ZBTB38: variants seen among roughly 807,000 people sequenced by gnomAD.
ZBTB38 encodes the protein zinc finger and BTB domain containing 38.
A neutral mutation model predicts 76.8 loss-of-function variants in ZBTB38; 20 were observed. The ratio of observed to expected loss-of-function variants is 0.26; its 90% confidence interval spans 0.18 to 0.38. The LOEUF is 0.38. Ranked by LOEUF, ZBTB38 falls within the 10% of genes least tolerant of loss-of-function variation. The pLI, the probability that ZBTB38 is intolerant of heterozygous loss-of-function variation, is 1.00. For synonymous variants in ZBTB38, 504 were observed against 544.2 expected, an observed-to-expected ratio of 0.93 and a Z score of 1.03; for missense variants, 1,082 against 1,482.3, an observed-to-expected ratio of 0.73 and a Z score of 4.43.
chr3:141,397,025 T>C (rs1310311700), intron 4 of ZBTB38, among the ~76,000 whole-genome samples: 2 of 152,250 alleles, frequency 1.3e-5, no homozygotes, highest in Non-Finnish European at 2.9e-5. Context: ...AATTGAAGTT[T>C]TGAAGCCAGG....
intron 4 of ZBTB38, among the ~76,000 whole-genome samples, chr3:141,393,413 G>T (rs1375631096): frequency 6.6e-6 from 1 of 152,176 alleles, no homozygotes; most frequent in Admixed American, 6.5e-5. Context: ...TGAGAGTGTG[G>T]TTAAATCCCA....
At chr3:141,380,614 G>A (rs972259986) in intron 2 of ZBTB38, among the ~76,000 whole-genome samples, 8 of 152,208 alleles carry the variant, frequency 5.3e-5, no homozygotes, top group Non-Finnish European at 1.0e-4. Flanking sequence ...ATGGTGTTAG[G>A]AAATGCTCTA....
chr3:141,436,648 C>T (rs1221779570), intron 5 of ZBTB38, among the ~76,000 whole-genome samples: 1 of 152,114 alleles, frequency 6.6e-6, no homozygotes, highest in Non-Finnish European at 1.5e-5. Context: ...CAGGCACTCA[C>T]CACCATGCCT....
intron 5 of ZBTB38, among the ~76,000 whole-genome samples, chr3:141,435,125 C>T (rs2078459994): frequency 6.6e-6 from 1 of 152,090 alleles, no homozygotes. Flanking sequence ...GACAGCACTC[C>T]AGCCTGGGTG....
intron 2 of ZBTB38, among the ~76,000 whole-genome samples, chr3:141,376,873 G>T (rs1226634476): frequency 2.6e-5 from 4 of 152,356 alleles, no homozygotes; most frequent in East Asian, 3.9e-4. Context: ...CAAGGGCAAA[G>T]ATTGTTCAGT....
At chr3:141,415,339 G>T (rs551005949) in intron 5 of ZBTB38, among the ~76,000 whole-genome samples, 1 of 152,154 alleles carries the variant, frequency 6.6e-6, no homozygotes, top group Non-Finnish European at 1.5e-5. Flanking sequence ...GACTCTAGGG[G>T]GGCCAGGGTG....
At chr3:141,340,949 G>GGAAGGAAAGAAAGAAAGAAAGAAA (rs747290360) in intron 1 of ZBTB38, among the ~76,000 whole-genome samples, 41 of 111,992 alleles carry the variant, frequency 3.7e-4, no homozygotes, top group African/African-American at 1.4e-3. Flanking sequence ...AAAGAAAGAA[G>GGAAGGAAAGAAAGAAAGAAAGAAA]GAAAGAAAGA....
chr3:141,420,843 T>C (rs926289388), intron 5 of ZBTB38, among the ~76,000 whole-genome samples: 5 of 152,014 alleles, frequency 3.3e-5, no homozygotes, highest in Admixed American at 2.0e-4. Flanking sequence ...TAAGATAGAA[T>C]TGATGTTCTA....
chr3:141,372,417 G>A (rs1388903007), intron 2 of ZBTB38, among the ~76,000 whole-genome samples: 1 of 152,116 alleles, frequency 6.6e-6, no homozygotes, highest in Non-Finnish European at 1.5e-5. Flanking sequence ...GGGAGGCCGA[G>A]GCAGGTGGAT....
chr3:141,335,681 T>G (rs1942996111), intron 1 of ZBTB38, among the ~76,000 whole-genome samples: 1 of 152,224 alleles, frequency 6.6e-6, no homozygotes, highest in South Asian at 2.1e-4. Context: ...CCAGCTAGCC[T>G]CAGATCACCT....
intron 5 of ZBTB38, among the ~76,000 whole-genome samples, chr3:141,434,812 T>G: frequency 6.6e-6 from 1 of 151,844 alleles, no homozygotes; most frequent in East Asian, 1.9e-4. Flanking sequence ...ACAAATGTCC[T>G]TATAAGTATA....
chr3:141,363,392 C>T (rs1943873056), intron 1 of ZBTB38, among the ~76,000 whole-genome samples: 1 of 152,200 alleles, frequency 6.6e-6, no homozygotes, highest in Non-Finnish European at 1.5e-5. Flanking sequence ...AATTGAGAAG[C>T]TGATCCTAAA....
chr3:141,336,295 C>T lies in ZBTB38; in HGVS notation c.-739+11839C>T, dbSNP rs1248702966. On this transcript the variant is annotated intron_variant, in intron 1 of 7. Transcript: ENST00000509842. The stretch of plus-strand genomic sequence containing the variant: ...ATACTCTAAATGGGAGATGTCAAAC[C>T]CATGCCAATAGCTCCATTAAAACCC... Among the ~76,000 whole-genome samples the T allele has an allele frequency of 4.0e-5, 6 of 151,834 alleles. No homozygotes were observed. The East Asian group carries it at 1.2e-3, about 29-fold the overall frequency.
Position 141,446,991 on chromosome 3 carries a change from C to T in ZBTB38, c.*1015C>T, listed in dbSNP as rs1201899623. 1 of 152,678 alleles carries T rather than the reference C, an allele frequency of 6.5e-6. No homozygotes were observed. The highest frequency in any genetic ancestry group is 1.5e-5 in the Non-Finnish European group (1 of 68,082). 9.5% of individuals were successfully genotyped at this position (152,678 alleles called of 1,614,324 possible). ...TCTATTCCAGACAGACTTAAGGGCT[C>T]AAGTGGAACCTGCCATCTCCCATTC... is the stretch of plus-strand genomic sequence containing the variant. On this transcript the variant is annotated 3_prime_UTR_variant, in exon 6 of 6. Coordinates refer to ENST00000321464, the MANE Select transcript of ZBTB38 (RefSeq NM_001376113.1).
intron 2 of ZBTB38, among the ~76,000 whole-genome samples, chr3:141,380,291 G>A (rs551751429): frequency 1.1e-4 from 16 of 152,340 alleles, no homozygotes; most frequent in South Asian, 8.3e-4. Flanking sequence ...TTTGGGGGCT[G>A]TGGCAGTGTT....
At chr3:141,352,028 T>C (rs1943532583) in intron 1 of ZBTB38, among the ~76,000 whole-genome samples, 2 of 152,134 alleles carry the variant, frequency 1.3e-5, no homozygotes, top group African/African-American at 4.8e-5. Flanking sequence ...ACTTGAGACC[T>C]ACCAAGAATT....
intron 1 of ZBTB38, among the ~76,000 whole-genome samples, chr3:141,346,817 G>T (rs1006071253): frequency 8.4e-5 from 5 of 59,806 alleles, no homozygotes; most frequent in Admixed American, 1.6e-4. Context: ...TGTGTGTGTG[G>T]TGCAATGCTC....
At chr3:141,337,490 G>A (rs574208815) in intron 1 of ZBTB38, among the ~76,000 whole-genome samples, 2 of 152,344 alleles carry the variant, frequency 1.3e-5, no homozygotes, top group East Asian at 3.9e-4. Context: ...ACAGAACAAA[G>A]CAGTGGCCTG....
Position 141,448,159 on chromosome 3 carries a change from A to G in ZBTB38, c.*2183A>G, listed in dbSNP as rs1252874128. On this transcript the variant is annotated 3_prime_UTR_variant, in exon 6 of 6. Coordinates refer to ENST00000321464, the MANE Select transcript of ZBTB38 (RefSeq NM_001376113.1). ...TTTGATTTGAGTTAACCCCAAATAT[A>G]AAATTACCTGTAGTGATGTCTCTCT... The G allele has an allele frequency of 2.0e-5, 3 of 152,612 alleles. No individual in the cohort carries two copies. Among genetic ancestry groups the G allele is most frequent in the Non-Finnish European group, 2.9e-5 (2 of 68,000 alleles). 9.5% of individuals were successfully genotyped at this position (152,612 alleles called of 1,614,324 possible).
Sources: allele counts gnomAD v4.1 joint callset (sites outside exome capture counted in the v4.1 genomes callset), GRCh38; gene constraint gnomAD v4.1.1; transcripts MANE v1.5; gene names NCBI Gene and HGNC (gene_info 2026-07-23, HGNC 2026-07-21).